Variants in CACNA2D1 observed in about 807,000 individuals in gnomAD.
CACNA2D1 encodes the protein calcium voltage-gated channel auxiliary subunit alpha2delta 1.
Under a neutral mutation model 171.5 loss-of-function variants are expected in CACNA2D1, and 53 were observed. The ratio of observed to expected loss-of-function variants is 0.31; its 90% confidence interval spans 0.25 to 0.39. The LOEUF (loss-of-function observed/expected upper bound fraction) is 0.39, where lower values mean the gene tolerates loss of function less well. Ranked by LOEUF, CACNA2D1 falls within the 10% of genes least tolerant of loss-of-function variation. The probability of loss-of-function intolerance (pLI) is 1.00; values close to 1 mark genes in which losing one functional copy is unlikely to be tolerated. For synonymous variants in CACNA2D1, 442 were observed against 443.1 expected (o/e 1.00, Z 0.03); for missense variants, 903 against 1,299.8 (o/e 0.69, Z 4.69).
chr7:81,958,228 T>C (rs1793669577), intron 38 of CACNA2D1, among the ~76,000 whole-genome samples: 1 of 152,132 alleles, frequency 6.6e-6, no homozygotes, highest in African/African-American at 2.4e-5. Context: ...TTACTGATTT[T>C]ATTACTTCTT....
At chr7:81,967,506 TATTTGCCACTGTATAAGGA>T (rs1299355233) in intron 30 of CACNA2D1, 71 bp downstream of exon 30, 3 of 717,588 alleles carry the variant, frequency 4.2e-6, no homozygotes, top group Non-Finnish European at 7.4e-6. Flanking sequence ...ATTGAGAATG[TATTTGCCACTGTATAAGGA>T]CCTTATATTT....
chr7:82,363,256 T>TA (rs1821291824), intron 1 of CACNA2D1, among the ~76,000 whole-genome samples: 1 of 30,326 alleles, frequency 3.3e-5, no homozygotes, highest in African/African-American at 1.3e-4. Context: ...ATTTGTCTCT[T>TA]TTTTTTTTTT....
At chr7:82,353,633 G>A (rs1207857157) in intron 1 of CACNA2D1, among the ~76,000 whole-genome samples, 1 of 152,000 alleles carries the variant, frequency 6.6e-6, no homozygotes, top group Non-Finnish European at 1.5e-5. Context: ...CTAGAAAAAG[G>A]AATCCAAGAA....
Position 82,117,093 on chromosome 7 carries a change from T to G in CACNA2D1, c.477A>C (p.Ile159=). 6.2e-7 allele frequency: 1 copy of G among 1,613,954 alleles called. No individual in the cohort carries two copies. The highest frequency in any genetic ancestry group is 8.5e-7 in the Non-Finnish European group (1 of 1,179,892). Residue 159 remains isoleucine (I), a synonymous_variant, in exon 6 of 39, where the codon ATA becomes ATC. Transcript: ENST00000356860. The part of the protein sequence containing the change: ...FIEDANFGRQ[I]SYQHAAVHIP... Reference sequence around the variant, plus strand: ...TATGGACTGCTGCGTGCTGATAAGATATTTGTCGTCCAAAATTAGCATCTT... The same window carrying G: ...TATGGACTGCTGCGTGCTGATAAGAGATTTGTCGTCCAAAATTAGCATCTT...
Position 81,961,921 on chromosome 7 carries a change from C to T in CACNA2D1, c.2939G>A (p.Gly980Asp), listed in dbSNP as rs1173558405. ...FFDNDSKSFSGVLDCGNCSRI... is the reference protein window; with the variant it reads ...FFDNDSKSFSDVLDCGNCSRI... ...GGAACAGTTTCCACAGTCTAATACA[C>T]CACTGAATGATTTACTGTCGTTATC... Residue 980 changes from glycine to aspartate, a missense_variant, in exon 36 of 39, where the codon GGT becomes GAT. Coordinates refer to ENST00000356860, the MANE Select transcript of CACNA2D1 (RefSeq NM_000722.4). 1 of 1,610,404 alleles carries T rather than the reference C, an allele frequency of 6.2e-7. No homozygotes were observed. Among genetic ancestry groups the T allele is most frequent in the Non-Finnish European group, 8.5e-7 (1 of 1,177,098 alleles).
intron 3 of CACNA2D1, among the ~76,000 whole-genome samples, chr7:82,315,192 T>C (rs576537682): frequency 6.6e-5 from 10 of 151,924 alleles, no homozygotes; most frequent in Admixed American, 6.6e-4. Flanking sequence ...GTTGTATCAA[T>C]TGGATTTAGG....
intron 38 of CACNA2D1, among the ~76,000 whole-genome samples, chr7:81,951,748 T>C (rs1206630150): frequency 6.6e-6 from 1 of 152,048 alleles, no homozygotes; most frequent in African/African-American, 2.4e-5. Flanking sequence ...TTGATGGACA[T>C]TTAGGTTGGT....
intron 1 of CACNA2D1, among the ~76,000 whole-genome samples, chr7:82,392,808 C>A (rs536589704): frequency 6.0e-4 from 91 of 152,108 alleles, no homozygotes; most frequent in African/African-American, 2.1e-3. Flanking sequence ...TACAACAATT[C>A]CAATTAGAAA....
At chr7:82,236,953 A>C (rs1297863249) in intron 3 of CACNA2D1, among the ~76,000 whole-genome samples, 1 of 151,952 alleles carries the variant, frequency 6.6e-6, no homozygotes, top group Non-Finnish European at 1.5e-5. Flanking sequence ...CTCCTTCCTC[A>C]ACCATGGTTA....
intron 3 of CACNA2D1, among the ~76,000 whole-genome samples, chr7:82,231,465 T>C (rs1051810895): frequency 2.6e-5 from 4 of 152,190 alleles, no homozygotes; most frequent in Non-Finnish European, 5.9e-5. Context: ...CATTCACCAT[T>C]CACATTTTCA....
At position 82,155,992 on chromosome 7, in the gene CACNA2D1, C is replaced by G. The variant is rs185139366; in HGVS notation, c.354+14558G>C. On this transcript the variant is annotated intron_variant, in intron 4 of 38. Coordinates refer to ENST00000356860, the MANE Select transcript of CACNA2D1 (RefSeq NM_000722.4). ...TTGATATTTTTACTTACCCTCTCAC[C>G]TAATTCTTGTAACACTCAATTTACT... Among the ~76,000 whole-genome samples the G allele has an allele frequency of 8.5e-5, 13 of 152,198 alleles. No individual in the cohort carries two copies. In the East Asian group the frequency reaches 2.5e-3, roughly 29 times the overall value.
chr7:82,019,868 T>A (rs558555227), intron 12 of CACNA2D1, among the ~76,000 whole-genome samples: 1 of 152,160 alleles, frequency 6.6e-6, no homozygotes, highest in South Asian at 2.1e-4. Flanking sequence ...GTTAGAAAAA[T>A]GAAGTCAGAA....
intron 4 of CACNA2D1, among the ~76,000 whole-genome samples, chr7:82,155,743 A>G (rs1256771445): frequency 6.6e-6 from 1 of 152,192 alleles, no homozygotes; most frequent in East Asian, 1.9e-4. Context: ...TGACATTTTA[A>G]AAAATGACAA....
At chr7:82,383,263 A>G (rs1001453225) in intron 1 of CACNA2D1, among the ~76,000 whole-genome samples, 1 of 152,180 alleles carries the variant, frequency 6.6e-6, no homozygotes, top group Non-Finnish European at 1.5e-5. Context: ...CCAAAAGAGA[A>G]AAAAACTGGC....
chr7:82,348,672 A>G (rs1819527244), intron 2 of CACNA2D1, among the ~76,000 whole-genome samples: 1 of 152,176 alleles, frequency 6.6e-6, no homozygotes, highest in African/African-American at 2.4e-5. Flanking sequence ...ATTAATACAT[A>G]AAGTAACCAC....
intron 3 of CACNA2D1, among the ~76,000 whole-genome samples, chr7:82,281,535 A>G (rs1281492839): frequency 6.6e-6 from 1 of 152,238 alleles, no homozygotes; most frequent in African/African-American, 2.4e-5. Context: ...GGAGTTTCAC[A>G]TAGATTAAAA....
chr7:82,242,906 T>C (rs1268604682), intron 3 of CACNA2D1, among the ~76,000 whole-genome samples: 2 of 152,112 alleles, frequency 1.3e-5, no homozygotes, highest in Non-Finnish European at 2.9e-5. Context: ...TGCCTTAGAA[T>C]CATATTTAGT....
At chr7:82,350,699 A>G (rs1407879934) in intron 1 of CACNA2D1, among the ~76,000 whole-genome samples, 2 of 152,090 alleles carry the variant, frequency 1.3e-5, no homozygotes, top group Admixed American at 1.3e-4. Context: ...CAACAAAAAA[A>G]TTATTTCCTT....
intron 5 of CACNA2D1, among the ~76,000 whole-genome samples, chr7:82,133,798 C>A (rs1791282374): frequency 6.6e-6 from 1 of 152,190 alleles, no homozygotes; most frequent in South Asian, 2.1e-4. Context: ...CAGGGCCGGG[C>A]ACGGTGGCTC....
Sources: gnomAD v4.1 joint callset for allele counts (sites outside exome capture counted in the v4.1 genomes callset) on GRCh38, gnomAD v4.1.1 for gene constraint, MANE v1.5 for transcripts, NCBI Gene and HGNC (gene_info 2026-07-23, HGNC 2026-07-21) for gene names.